Variants in FER observed in about 807,000 individuals in gnomAD.
FER encodes the protein FER tyrosine kinase.
In FER, 63 loss-of-function variants were observed where a neutral mutation model predicts 111.0. That is an observed-to-expected ratio of 0.57 (90% CI 0.46 to 0.70). FER has a LOEUF of 0.70. Ranked by LOEUF, FER falls within the 30% of genes least tolerant of loss-of-function variation. The probability of loss-of-function intolerance (pLI) is 0.00; values close to 1 mark genes in which losing one functional copy is unlikely to be tolerated. For missense variants in FER, 914 were observed against 954.0 expected (o/e 0.96, Z 0.55); for synonymous variants, 327 against 313.9 (o/e 1.04, Z -0.44).
At chr5:108,990,238 A>G (rs924377476) in intron 13 of FER, among the ~76,000 whole-genome samples, 2 of 151,960 alleles carry the variant, frequency 1.3e-5, no homozygotes, top group Non-Finnish European at 2.9e-5. Context: ...AGAAGGAAAC[A>G]TGATTTTGCT....
intron 16 of FER, chr5:109,051,676 G>A (rs1230822608): frequency 8.9e-6 from 14 of 1,574,312 alleles, no homozygotes; most frequent in Non-Finnish European, 1.0e-5. Flanking sequence ...ATATTTTTGA[G>A]ACCCACAGTC....
intron 9 of FER, among the ~76,000 whole-genome samples, chr5:108,892,939 GC>G (rs1445578784): frequency 6.6e-6 from 1 of 152,132 alleles, no homozygotes; most frequent in Admixed American, 6.6e-5. Flanking sequence ...TTTCCCCAGT[GC>G]TTGTTTTTGT....
chr5:109,045,089 A>G (rs1370292692), intron 15 of FER, among the ~76,000 whole-genome samples: 1 of 151,934 alleles, frequency 6.6e-6, no homozygotes, highest in African/African-American at 2.4e-5. Context: ...CTTATGATAA[A>G]AATATTAATG....
chr5:109,130,425 A>T (rs564780977), intron 17 of FER, among the ~76,000 whole-genome samples: 1 of 152,062 alleles, frequency 6.6e-6, no homozygotes, highest in Non-Finnish European at 1.5e-5. Flanking sequence ...TGTACTTCCT[A>T]TTGGCCTTGT....
intron 17 of FER, among the ~76,000 whole-genome samples, chr5:109,133,449 T>A (rs1486211672): frequency 6.6e-6 from 1 of 152,164 alleles, no homozygotes; most frequent in Non-Finnish European, 1.5e-5. Flanking sequence ...AATAGTATGA[T>A]GAATTTGGCT....
intron 17 of FER, among the ~76,000 whole-genome samples, chr5:109,147,501 CA>C (rs924595415): frequency 2.7e-5 from 4 of 150,524 alleles, no homozygotes; most frequent in Non-Finnish European, 5.9e-5. Flanking sequence ...TGATAGTTTT[CA>C]AAAAAAGAAA....
chr5:108,956,027 A>C (rs1411566682), intron 12 of FER, among the ~76,000 whole-genome samples: 2 of 151,780 alleles, frequency 1.3e-5, no homozygotes, highest in Non-Finnish European at 3.0e-5. Flanking sequence ...ATATCCATTA[A>C]AGTATTTCCA....
chr5:109,052,163 C>A, intron 16 of FER: 1 of 1,608,248 alleles, frequency 6.2e-7, no homozygotes, highest in Non-Finnish European at 8.5e-7. Flanking sequence ...TTTTGCATCA[C>A]ATAGAACACA....
Position 108,832,857 on chromosome 5 carries a change from A to G in FER, c.295A>G (p.Arg99Gly). 6.2e-7 allele frequency: 1 copy of G among 1,608,580 alleles called. No individual in the cohort carries two copies. The highest frequency in any genetic ancestry group is 1.1e-5 in the South Asian group (1 of 90,336). The change falls in exon 4 of 20, where the codon AGG (arginine) becomes GGG (glycine). Residue 99 changes from arginine (R) to glycine (G), a missense_variant. This residue lies in a region of FER where 774 missense variants were observed against 782.6 expected (regional missense o/e 0.99). Coordinates refer to ENST00000281092, the MANE Select transcript of FER (RefSeq NM_005246.4). The stretch of plus-strand genomic sequence containing the variant: ...GGACTTGAACTCTGGACCTTTACAC[A>G]GGCTCACCATGATGATTAAGGACAA... ...AEDLNSGPLH[R>G]LTMMIKDKQQ...
chr5:108,780,296 T>C (rs71592767), intron 2 of FER, among the ~76,000 whole-genome samples: 9,317 of 152,248 alleles, frequency 0.061, 324 homozygotes, highest in Non-Finnish European at 0.075. Flanking sequence ...TGGCAACAAA[T>C]TCCCTCAATA....
Position 109,001,537 on chromosome 5 carries a change from T to G in FER, c.1657-35885T>G, listed in dbSNP as rs540420393. Among the ~76,000 whole-genome samples, 5 of 152,204 alleles carry G rather than the reference T, an allele frequency of 3.3e-5. No homozygotes were observed. In the East Asian group the frequency reaches 7.7e-4, roughly 24 times the overall value. On this transcript the variant is annotated intron_variant, in intron 13 of 19. Transcript: ENST00000281092. ...CCCACTGCCAATATCATACTGAATG[T>G]ACAAAAACTGGAAGCATTCCCTTTG...
At chr5:108,845,073 C>CATATATATATATATATATATATATAT (rs1761893426) in intron 5 of FER, among the ~76,000 whole-genome samples, 1 of 103,284 alleles carries the variant, frequency 9.7e-6, no homozygotes, top group Non-Finnish European at 2.0e-5. Context: ...TATATACACA[C>CATATATATATATATATATATATATAT]ACACACACAC....
At position 109,091,657 on chromosome 5, in the gene FER, A is replaced by G. The variant is rs551015924; in HGVS notation, c.1925-8739A>G. Among the ~76,000 whole-genome samples the G allele has an allele frequency of 5.1e-4, 78 of 152,272 alleles. 1 individual carries two copies. The highest frequency in any genetic ancestry group is 1.8e-3 in the African/African-American group (74 of 41,572). On this transcript the variant is annotated intron_variant, in intron 16 of 19. Transcript: ENST00000281092. Reference sequence around the variant, plus strand: ...CCAGCCTCAACCCTTGAGAGCGGCAATGTACACTGCACATAGCCAAGCCAT... The same window carrying G: ...CCAGCCTCAACCCTTGAGAGCGGCAGTGTACACTGCACATAGCCAAGCCAT...
At chr5:109,033,290 A>G (rs1166983006) in intron 13 of FER, among the ~76,000 whole-genome samples, 2 of 152,180 alleles carry the variant, frequency 1.3e-5, no homozygotes, top group East Asian at 1.9e-4. Context: ...CAGAGCAAAG[A>G]TAGAGACCAG....
chr5:109,034,480 T>C (rs1263523928), intron 13 of FER, among the ~76,000 whole-genome samples: 1 of 151,886 alleles, frequency 6.6e-6, no homozygotes, highest in Non-Finnish European at 1.5e-5. Context: ...TTGCAGGCCC[T>C]GAACTCTCTC....
chr5:109,120,735 A>C (rs1412279647), intron 17 of FER, among the ~76,000 whole-genome samples: 7 of 152,092 alleles, frequency 4.6e-5, no homozygotes, highest in African/African-American at 1.7e-4. Flanking sequence ...ATTCATGAAC[A>C]TGGAATATTT....
intron 13 of FER, among the ~76,000 whole-genome samples, chr5:108,993,514 CAGAGGGAGACTGTGGAAAGAGAGGG>C (rs1418618358): frequency 1.3e-5 from 2 of 151,538 alleles, no homozygotes; most frequent in Non-Finnish European, 2.9e-5. Flanking sequence ...GGCTCGGCAT[CAGAGGGAGACTGTGGAAAGAGAGGG>C]AGAGGGAGAC....
At chr5:108,918,786 C>G (rs1752626258) in intron 10 of FER, among the ~76,000 whole-genome samples, 1 of 150,880 alleles carries the variant, frequency 6.6e-6, no homozygotes, top group Admixed American at 6.6e-5. Flanking sequence ...CGCGCCCCGC[C>G]TTGGACTGGG....
In FER at chr5:108,845,018, A is replaced by ATATATATG. The variant is rs1761801951; in HGVS notation, c.481+9218_481+9219insGTATATAT. On this transcript the variant is annotated intron_variant, in intron 5 of 19. Coordinates refer to ENST00000281092, the MANE Select transcript of FER (RefSeq NM_005246.4). ...TGTGTATATATATATATATATATATATATATATATATATATATATATACAT... is the reference window on the plus strand; with the variant it reads ...TGTGTATATATATATATATATATATATATATATGTATATATATATATATATATATACAT... 5.6e-5 allele frequency among the ~76,000 whole-genome samples: 3 copies of ATATATATG among 53,340 alleles called. No individual in the cohort carries two copies. The Admixed American group carries it at 7.8e-4, about 14-fold the overall frequency. 35.0% of individuals were successfully genotyped at this position (53,340 alleles called of 152,430 possible).
Sources: allele counts gnomAD v4.1 joint callset (sites outside exome capture counted in the v4.1 genomes callset), GRCh38; gene constraint gnomAD v4.1.1; regional missense constraint gnomAD v4.1.1; transcripts MANE v1.5; gene names NCBI Gene and HGNC (gene_info 2026-07-23, HGNC 2026-07-21).